The following CPEB3 variants were observed in gnomAD, a reference collection of about 807,000 sequenced individuals.
CPEB3 encodes cytoplasmic polyadenylation element binding protein 3, also known as cytoplasmic polyadenylation element-binding protein 3.
In CPEB3, 20 loss-of-function variants were observed where a neutral mutation model predicts 67.2. That is an observed-to-expected ratio of 0.30 (90% CI 0.21 to 0.43). The LOEUF (loss-of-function observed/expected upper bound fraction) is 0.43. Among genes scored for constraint, CPEB3 ranks in the 20% least tolerant of loss-of-function variants. The pLI, the probability that CPEB3 is intolerant of heterozygous loss-of-function variation, is 1.00. For missense variants in CPEB3, 746 were observed against 968.6 expected (o/e 0.77, Z 3.05); for synonymous variants, 376 against 393.1 (o/e 0.96, Z 0.51).
At chr10:92,052,812 G>T (rs147198578) in intron 9 of CPEB3, among the ~76,000 whole-genome samples, 1 of 152,196 alleles carries the variant, frequency 6.6e-6, no homozygotes, top group East Asian at 1.9e-4. Context: ...ACGTCAAAGC[G>T]CATGAGCTGA....
chr10:92,200,102 C>T (rs970990008), intron 2 of CPEB3, among the ~76,000 whole-genome samples: 2 of 152,274 alleles, frequency 1.3e-5, no homozygotes, highest in East Asian at 1.9e-4. Flanking sequence ...AACCTAAAGT[C>T]CTAATGAAGT....
chr10:92,194,885 A>C (rs1849159163), intron 2 of CPEB3, among the ~76,000 whole-genome samples: 1 of 152,008 alleles, frequency 6.6e-6, no homozygotes, highest in Non-Finnish European at 1.5e-5. Context: ...ACTAAAAAAT[A>C]TACAAAAAAT....
chr10:92,101,671 C>T (rs1308791739), intron 7 of CPEB3, among the ~76,000 whole-genome samples: 1 of 152,108 alleles, frequency 6.6e-6, no homozygotes, highest in Admixed American at 6.5e-5. Context: ...CTTTGGGAGG[C>T]CAAGGCAGGC....
rs1419912056 is a variant in CPEB3 at position 92,239,646 on chromosome 10, G to GGCGGCGGCT, written c.696_704dup (p.Ala233_Ala235dup). The GGCGGCGGCT allele has an allele frequency of 1.3e-6, 2 of 1,561,228 alleles. No homozygotes were observed. The highest frequency in any genetic ancestry group is 2.4e-5 in the East Asian group (1 of 41,858). ...TGTTCCAGCTGGACGAGGCCGACGA[G>GGCGGCGGCT]GCGGCGGCTGCGGCAGCAGCGGCTG... On this transcript the variant is annotated inframe_insertion, in exon 2 of 10. Transcript: ENST00000265997. This position sits in a 1 kb window ranked among gnomAD's most constrained non-coding sequence, Gnocchi z 6.0.
At position 92,239,376 on chromosome 10, in the gene CPEB3, G is replaced by C. The variant is rs1380652974; in HGVS notation, c.975C>G (p.Thr325=). Residue 325 remains threonine (T), a synonymous_variant, in exon 2 of 10, where the codon ACC becomes ACG. Coordinates refer to ENST00000265997, the MANE Select transcript of CPEB3 (RefSeq NM_014912.5). This position sits in a 1 kb window ranked among gnomAD's most constrained non-coding sequence, Gnocchi z 6.0. Reference sequence around the variant, plus strand: ...ATGGCAACAGATTGTTACCATTATCGGTCCGGAAAGCGTTATCCTCCATCC... The same window carrying C: ...ATGGCAACAGATTGTTACCATTATCCGTCCGGAAAGCGTTATCCTCCATCC... ...KSWMEDNAFR[T]DNGNNLLPFQ... 4 of 1,606,356 alleles carry C rather than the reference G, an allele frequency of 2.5e-6. No individual in the cohort carries two copies. In the Admixed American group the frequency reaches 5.1e-5, roughly 20 times the overall value.
intron 5 of CPEB3, among the ~76,000 whole-genome samples, chr10:92,143,898 CTTT>C (rs1380651593): frequency 6.6e-6 from 1 of 152,150 alleles, no homozygotes; most frequent in Non-Finnish European, 1.5e-5. Flanking sequence ...AATAAAACCA[CTTT>C]TTGAGACTTT....
chr10:92,190,504 A>T (rs1848916275), intron 3 of CPEB3, among the ~76,000 whole-genome samples: 1 of 151,544 alleles, frequency 6.6e-6, no homozygotes, highest in Admixed American at 6.6e-5. Context: ...TGTCTCTACT[A>T]AAAATACAAA....
chr10:92,178,217 G>A (rs185925746), intron 4 of CPEB3, among the ~76,000 whole-genome samples: 31 of 150,966 alleles, frequency 2.1e-4, no homozygotes, highest in African/African-American at 7.6e-4. Context: ...GGAGTGCAGT[G>A]GCGTGATCTC....
chr10:92,084,902 A>T (rs972595987), intron 8 of CPEB3, among the ~76,000 whole-genome samples: 1 of 152,152 alleles, frequency 6.6e-6, no homozygotes, highest in African/African-American at 2.4e-5. Flanking sequence ...AACTACAGAA[A>T]GTCTAATACT....
chr10:92,088,373 T>A (rs757441349), intron 8 of CPEB3, among the ~76,000 whole-genome samples: 1 of 151,548 alleles, frequency 6.6e-6, no homozygotes, highest in Non-Finnish European at 1.5e-5. Flanking sequence ...ACTACAGGAG[T>A]GTGCCATCAT....
intron 4 of CPEB3, among the ~76,000 whole-genome samples, chr10:92,175,030 AG>A (rs1200517292): frequency 6.6e-6 from 1 of 152,086 alleles, no homozygotes; most frequent in Non-Finnish European, 1.5e-5. Context: ...GCCCACTTAC[AG>A]GTTTTCAAGC....
chr10:92,166,602 T>C (rs1379714850), intron 4 of CPEB3, among the ~76,000 whole-genome samples: 1 of 152,226 alleles, frequency 6.6e-6, no homozygotes, highest in Non-Finnish European at 1.5e-5. Context: ...GTCTCAACAG[T>C]GGTTTTAAAA....
rs552175664 is a variant in CPEB3 at position 92,281,289 on chromosome 10, C to A, written c.-12+9637G>T. Among the ~76,000 whole-genome samples the A allele has an allele frequency of 4.0e-4, 61 of 151,472 alleles. No homozygotes were observed. In the South Asian group the frequency reaches 4.2e-3, roughly 10 times the overall value. On this transcript the variant is annotated intron_variant, in intron 1 of 9. Coordinates refer to ENST00000265997, the MANE Select transcript of CPEB3 (RefSeq NM_014912.5). ...CAGGAGGGGTTGGTAGAGACACAATCTCTCTATGTTGCCCAGGCTGGTTTT... is the reference window on the plus strand; with the variant it reads ...CAGGAGGGGTTGGTAGAGACACAATATCTCTATGTTGCCCAGGCTGGTTTT...
chr10:92,261,683 A>G (rs1161041028), intron 1 of CPEB3, among the ~76,000 whole-genome samples: 2 of 152,184 alleles, frequency 1.3e-5, no homozygotes, highest in Non-Finnish European at 2.9e-5. Context: ...TCCTGACCTC[A>G]GGTGATCCAC....
intron 2 of CPEB3, among the ~76,000 whole-genome samples, chr10:92,220,024 G>A (rs1301863441): frequency 6.6e-6 from 1 of 152,112 alleles, no homozygotes; most frequent in East Asian, 1.9e-4. Context: ...CAAGTGTGGT[G>A]GCGCATGCCT....
rs185995776 is a variant in CPEB3, at chr10:92,104,422, A to G, written c.1572+6654T>C. Among the ~76,000 whole-genome samples the G allele has an allele frequency of 7.5e-3, 1,027 of 136,768 alleles. 5 individuals are homozygous for G. The highest frequency in any genetic ancestry group is 0.011 in the Non-Finnish European group (709 of 65,482). The allele number at this position is 136,768 out of a possible 152,430, so 89.7% of individuals were successfully genotyped here. On this transcript the variant is annotated intron_variant, in intron 7 of 9. Transcript: ENST00000265997. ...TTTTGAGACGGAGTCTTATTCTGTCACCCAGGCTGGAGTGCAGTGGCTGGC... is the reference window on the plus strand; with the variant it reads ...TTTTGAGACGGAGTCTTATTCTGTCGCCCAGGCTGGAGTGCAGTGGCTGGC...
chr10:92,118,791 CAGGTTTAAACCGTCCTG>C, intron 6 of CPEB3: 1 of 756,386 alleles, frequency 1.3e-6, no homozygotes, highest in Non-Finnish European at 2.4e-6. Flanking sequence ...AATAAGAACA[CAGGTTTAAACCGTCCTG>C]TATCTCCCCA....
chr10:92,228,703 T>G (rs1851104829), intron 2 of CPEB3, among the ~76,000 whole-genome samples: 1 of 133,578 alleles, frequency 7.5e-6, no homozygotes, highest in Non-Finnish European at 1.5e-5. Context: ...TTGTCGAATT[T>G]ATATATATAT....
chr10:92,148,292 G>A (rs553560248), intron 4 of CPEB3, among the ~76,000 whole-genome samples: 38 of 152,104 alleles, frequency 2.5e-4, no homozygotes, highest in African/African-American at 7.0e-4. Context: ...TCGTATTTTC[G>A]ATTATTCCTC....
Sources: gnomAD v4.1 joint callset for allele counts (sites outside exome capture counted in the v4.1 genomes callset) on GRCh38, gnomAD v4.1.1 for gene constraint, Gnocchi (gnomAD v3.1) non-coding constraint, MANE v1.5 for transcripts, NCBI Gene and HGNC (gene_info 2026-07-23, HGNC 2026-07-21) for gene names.